The following GPC3 variants were observed in gnomAD, a reference collection of about 807,000 sequenced individuals.
GPC3 encodes the protein glypican-3.
A neutral mutation model predicts 34.4 loss-of-function variants in GPC3; 3 were observed. That is an observed-to-expected ratio of 0.09 (90% CI 0.04 to 0.23). The LOEUF is 0.23. Ranked by LOEUF, GPC3 falls within the 10% of genes least tolerant of loss-of-function variation. The pLI is 1.00. For synonymous variants in GPC3, 177 were observed against 174.0 expected (o/e 1.02, Z -0.13); for missense variants, 351 against 445.6 (o/e 0.79, Z 1.91).
intron 2 of GPC3, among the ~76,000 whole-genome samples, chrX:133,909,711 C>T (rs867019691): frequency 3.1e-4 from 34 of 111,106 alleles, no homozygotes; most frequent in African/African-American, 1.1e-3. Flanking sequence ...AAACCTATTC[C>T]CTCAAACCAT....
chrX:133,955,189 C>T (rs749860758), intron 1 of GPC3, among the ~76,000 whole-genome samples: 103 of 111,498 alleles, frequency 9.2e-4, no homozygotes, highest in Non-Finnish European at 1.4e-3. Flanking sequence ...TCCTAAGCCA[C>T]ATTCCCTGGG....
At chrX:133,551,331 C>A in intron 7 of GPC3, among the ~76,000 whole-genome samples, 1 of 111,974 alleles carries the variant, frequency 8.9e-6, no homozygotes, top group Non-Finnish European at 1.9e-5. Context: ...GCCGGCACCC[C>A]TTTTCCCTTG....
At chrX:133,581,094 C>A (rs2069727422) in intron 7 of GPC3, among the ~76,000 whole-genome samples, 1 of 112,518 alleles carries the variant, frequency 8.9e-6, no homozygotes, top group South Asian at 3.7e-4. Context: ...AAGTGGTCCT[C>A]ACCTGGGTGC....
At chrX:133,711,221 C>T (rs983993321) in intron 3 of GPC3, among the ~76,000 whole-genome samples, 2 of 112,090 alleles carry the variant, frequency 1.8e-5, no homozygotes, top group Non-Finnish European at 3.8e-5. Context: ...AGGATTCCAT[C>T]AACTGTCTCT....
chrX:133,661,573 TCTCTCTCTC>T (rs2070719191), intron 6 of GPC3, among the ~76,000 whole-genome samples, 148 bp downstream of exon 6: 8 of 5,152 alleles, frequency 1.6e-3, no homozygotes, highest in African/African-American at 3.9e-3. Context: ...TCTCTTTCTC[TCTCTCTCTC>T]TCTCTCTCTC....
At chrX:133,557,676 G>A (rs1433225808) in intron 7 of GPC3, among the ~76,000 whole-genome samples, 1 of 111,715 alleles carries the variant, frequency 9.0e-6, no homozygotes, top group East Asian at 2.8e-4. Context: ...TAAGAGGGTG[G>A]AGAATACATC....
At chrX:133,833,974 A>G (rs1414729361) in intron 2 of GPC3, among the ~76,000 whole-genome samples, 1 of 111,653 alleles carries the variant, frequency 9.0e-6, no homozygotes, top group Non-Finnish European at 1.9e-5. Flanking sequence ...AAAAAAATAG[A>G]TATCAAAAGA....
At chrX:133,700,829 T>C (rs963402976) in intron 3 of GPC3, among the ~76,000 whole-genome samples, 11 of 111,369 alleles carry the variant, frequency 9.9e-5, no homozygotes, top group African/African-American at 2.9e-4. Flanking sequence ...TGAGCCATGA[T>C]TGTGCCACTG....
intron 6 of GPC3, among the ~76,000 whole-genome samples, chrX:133,608,392 T>A (rs1309679937): frequency 8.9e-6 from 1 of 112,139 alleles, no homozygotes; most frequent in African/African-American, 3.2e-5. Flanking sequence ...TCCAAAGAAA[T>A]CACCTCAGTT....
intron 1 of GPC3, among the ~76,000 whole-genome samples, chrX:133,974,453 TATGCACGTGTGCAC>T (rs1205658765): frequency 8.9e-6 from 1 of 112,789 alleles, no homozygotes; most frequent in South Asian, 3.7e-4. Context: ...GATGTGTGTG[TATGCACGTGTGCAC>T]ATGCACGTGT....
chrX:133,736,523 C>A (rs940763183), intron 3 of GPC3, among the ~76,000 whole-genome samples: 2 of 112,131 alleles, frequency 1.8e-5, no homozygotes, highest in African/African-American at 3.2e-5. Context: ...TATATACATA[C>A]AATGGAATAT....
intron 3 of GPC3, among the ~76,000 whole-genome samples, chrX:133,710,041 T>C (rs758883473): frequency 1.8e-5 from 2 of 112,041 alleles, no homozygotes; most frequent in Non-Finnish European, 3.8e-5. Context: ...TTGCTGTGAC[T>C]CATTGTTAAT....
At chrX:133,643,535 T>C (rs928807758) in intron 6 of GPC3, among the ~76,000 whole-genome samples, 1 of 111,885 alleles carries the variant, frequency 8.9e-6, no homozygotes, top group Non-Finnish European at 1.9e-5. Flanking sequence ...CAGAGAGGTA[T>C]AAAAAAAGAA....
At chrX:133,600,819 T>C (rs1178032026) in intron 6 of GPC3, among the ~76,000 whole-genome samples, 7 of 111,762 alleles carry the variant, frequency 6.3e-5, no homozygotes, top group Admixed American at 5.7e-4. Flanking sequence ...ACTAACTTTA[T>C]GAAAAGAAAA....
At position 133,843,996 on chromosome X, in the gene GPC3, C is replaced by T. The variant is rs183574856; in HGVS notation, c.338-89820G>A. On this transcript the variant is annotated intron_variant, in intron 2 of 7. Coordinates refer to ENST00000370818, the MANE Select transcript of GPC3 (RefSeq NM_004484.4). ...TAGATCTCACAGAAGACAATCATCACCAGAAAGTGAAAAGAGTAATCAACA... is the reference window on the plus strand; with the variant it reads ...TAGATCTCACAGAAGACAATCATCATCAGAAAGTGAAAAGAGTAATCAACA... 5.7e-4 allele frequency among the ~76,000 whole-genome samples: 64 copies of T among 111,637 alleles called. 2 individuals carry two copies. The Middle Eastern group carries it at 0.056, about 98-fold the overall frequency.
At chrX:133,833,627 G>A (rs897701982) in intron 2 of GPC3, among the ~76,000 whole-genome samples, 1 of 111,404 alleles carries the variant, frequency 9.0e-6, no homozygotes, top group South Asian at 3.8e-4. Flanking sequence ...AATTCAAGTG[G>A]CCCCATGTGA....
At chrX:133,614,675 A>C (rs1349894085) in intron 6 of GPC3, among the ~76,000 whole-genome samples, 7 of 112,038 alleles carry the variant, frequency 6.2e-5, no homozygotes, top group Non-Finnish European at 1.3e-4. Flanking sequence ...AATAAAGTAT[A>C]TTAGGAAAGG....
chrX:133,665,681 T>C (rs752384815), intron 5 of GPC3, among the ~76,000 whole-genome samples: 19 of 112,329 alleles, frequency 1.7e-4, no homozygotes, highest in African/African-American at 5.8e-4. Context: ...CAAATACCAA[T>C]TGCCTTTGGG....
rs369607601 is a variant in GPC3 at position 133,753,998 on chromosome X, G to A, written c.516C>T (p.Asp172=). 1.5e-5 allele frequency: 18 copies of A among 1,209,150 alleles called. No individual in the cohort carries two copies. The African/African-American group carries it at 3.0e-4, about 20-fold the overall frequency. The change falls in exon 3 of 8, where the codon GAC becomes GAT. Residue 172 remains aspartate, a synonymous_variant. Transcript: ENST00000370818. ...NVDDMVNELF[D]SLFPVIYTQL... ...GGGTATAGATGACTGGAAACAGGCTGTCAAACAATTCATTGACCATGTCAT... is the reference window on the plus strand; with the variant it reads ...GGGTATAGATGACTGGAAACAGGCTATCAAACAATTCATTGACCATGTCAT...
Sources: gnomAD v4.1 joint callset for allele counts (sites outside exome capture counted in the v4.1 genomes callset) on GRCh38, gnomAD v4.1.1 for gene constraint, MANE v1.5 for transcripts, NCBI Gene and HGNC (gene_info 2026-07-23, HGNC 2026-07-21) for gene names.